The following RORA variants were observed in gnomAD, a reference collection of about 807,000 sequenced individuals.
RORA encodes RAR related orphan receptor A.
RORA carries 7 observed loss-of-function variants against 69.5 expected under a neutral mutation model. The ratio of observed to expected loss-of-function variants is 0.10; its 90% CI spans 0.06 to 0.19. The LOEUF (loss-of-function observed/expected upper bound fraction) is 0.19, where lower values mean the gene tolerates loss of function less well. RORA is among the 10% of genes least tolerant of loss of function. The pLI is 1.00. For synonymous variants in RORA, 261 were observed against 240.8 expected, an observed-to-expected ratio of 1.08 and a Z score of -0.78; for missense variants, 457 against 663.0, an observed-to-expected ratio of 0.69 and a Z score of 3.41.
chr15:60,895,888 A>G (rs898639095), intron 1 of RORA, among the ~76,000 whole-genome samples: 1 of 152,226 alleles, frequency 6.6e-6, no homozygotes, highest in African/African-American at 2.4e-5. Context: ...GCAAGAGCTT[A>G]AAGTTCATCC....
chr15:60,690,948 C>A (rs781379881), intron 1 of RORA, among the ~76,000 whole-genome samples: 1 of 152,178 alleles, frequency 6.6e-6, no homozygotes, highest in South Asian at 2.1e-4. Flanking sequence ...TCACATCAGT[C>A]CCCTGCTCAA....
chr15:60,597,267 T>C (rs2068687075), intron 2 of RORA, among the ~76,000 whole-genome samples: 1 of 151,656 alleles, frequency 6.6e-6, no homozygotes, highest in East Asian at 2.0e-4. Context: ...CATACACCTA[T>C]TAGGAAATTC....
In RORA at chr15:60,490,364, C is replaced by T. The variant is rs998140315; in HGVS notation, c.*7091G>A. ...TCTAAAATAGATTATATAGTAAAAC[C>T]GGTATTATACAGCATATTGTGGATT... On this transcript the variant is annotated 3_prime_UTR_variant, in exon 11 of 11. Coordinates refer to ENST00000335670, the MANE Select transcript of RORA (RefSeq NM_134261.3). The surrounding 1 kb of genome is among the most constrained non-coding windows in gnomAD (Gnocchi z 4.1). The T allele has an allele frequency of 1.3e-5, 2 of 151,866 alleles. No homozygotes were observed. Among genetic ancestry groups the T allele is most frequent in the African/African-American group, 2.4e-5 (1 of 41,324 alleles). 9.4% of individuals were successfully genotyped at this position (151,866 alleles called of 1,614,324 possible). A position where few individuals can be genotyped will look rare whatever the true frequency, so the allele number is the denominator to read the frequency against.
chr15:60,586,290 T>C (rs1324314153), intron 2 of RORA, among the ~76,000 whole-genome samples: 1 of 152,206 alleles, frequency 6.6e-6, no homozygotes, highest in Non-Finnish European at 1.5e-5. Context: ...AAGTCAATTA[T>C]ATCACAACTG....
intron 3 of RORA, among the ~76,000 whole-genome samples, chr15:60,527,247 G>A (rs901704571): frequency 1.3e-5 from 2 of 152,232 alleles, no homozygotes; most frequent in Non-Finnish European, 2.9e-5. Context: ...ATTAAAAAAT[G>A]TATGTGTGTC....
At chr15:61,137,359 A>G (rs978127901) in intron 1 of RORA, among the ~76,000 whole-genome samples, 1 of 152,228 alleles carries the variant, frequency 6.6e-6, no homozygotes, top group Non-Finnish European at 1.5e-5. Flanking sequence ...TGGCGCCCAA[A>G]GTGGCCCAAA....
chr15:61,162,122 C>T (rs777359243), intron 1 of RORA, among the ~76,000 whole-genome samples: 36 of 152,112 alleles, frequency 2.4e-4, no homozygotes, highest in African/African-American at 3.6e-4. Context: ...CAGAAAAAAA[C>T]GAAAAATGGC....
At chr15:60,515,407 C>A (rs560821798) in intron 3 of RORA, among the ~76,000 whole-genome samples, 4 of 127,428 alleles carry the variant, frequency 3.1e-5, no homozygotes, top group Non-Finnish European at 5.2e-5. Flanking sequence ...AAAGATGGAA[C>A]AAATCCAGTC....
intron 2 of RORA, chr15:60,627,427 C>G: frequency 6.2e-7 from 1 of 1,610,694 alleles, no homozygotes; most frequent in Non-Finnish European, 8.5e-7. Context: ...TGCTTTGCCC[C>G]AGTGTACTAT....
At chr15:61,070,480 C>T (rs138003429) in intron 1 of RORA, among the ~76,000 whole-genome samples, 1 of 152,342 alleles carries the variant, frequency 6.6e-6, no homozygotes, top group East Asian at 1.9e-4. Context: ...AGACCCTGGC[C>T]TAAACTCACC....
intron 1 of RORA, among the ~76,000 whole-genome samples, chr15:60,692,046 G>A (rs1475819048): frequency 6.6e-6 from 1 of 152,176 alleles, no homozygotes; most frequent in Non-Finnish European, 1.5e-5. Flanking sequence ...TGGAAACAGT[G>A]ATTTCAATAT....
intron 2 of RORA, among the ~76,000 whole-genome samples, chr15:60,564,217 A>G (rs2067653428): frequency 6.6e-6 from 1 of 152,200 alleles, no homozygotes; most frequent in African/African-American, 2.4e-5. Flanking sequence ...TTTGATTCTC[A>G]GTTCCCCTCA....
chr15:61,160,969 G>A (rs775146693), intron 1 of RORA, among the ~76,000 whole-genome samples: 1 of 152,186 alleles, frequency 6.6e-6, no homozygotes, highest in South Asian at 2.1e-4. Context: ...GGCAAGCACG[G>A]ATGTTTGGAG....
At chr15:60,574,953 C>A (rs1413332006) in intron 2 of RORA, among the ~76,000 whole-genome samples, 1 of 151,914 alleles carries the variant, frequency 6.6e-6, no homozygotes, top group East Asian at 1.9e-4. Flanking sequence ...GAGAACGGGA[C>A]AGAAGATCAA....
At chr15:60,733,930 G>GAGAC in intron 1 of RORA, among the ~76,000 whole-genome samples, 1 of 150,988 alleles carries the variant, frequency 6.6e-6, no homozygotes, top group South Asian at 2.1e-4. Context: ...GAGAGAGAGA[G>GAGAC]AGAGAGAGAG....
intron 2 of RORA, among the ~76,000 whole-genome samples, chr15:60,635,430 GT>G (rs535508686): frequency 5.3e-4 from 80 of 152,172 alleles, no homozygotes; most frequent in African/African-American, 1.8e-3. Flanking sequence ...TGGTTCCTGG[GT>G]TCTAGATATT....
rs946060875 is a variant in RORA, at chr15:60,713,214, C to T, written c.167-34528G>A. ...CCAGAGAAGCCCAGGAATGTTCCCCCTTAGTAGGGTGTCCGGCTAACCTGG... is the reference window on the plus strand; with the variant it reads ...CCAGAGAAGCCCAGGAATGTTCCCCTTTAGTAGGGTGTCCGGCTAACCTGG... On this transcript the variant is annotated intron_variant, in intron 1 of 10. Coordinates refer to ENST00000335670, the MANE Select transcript of RORA (RefSeq NM_134261.3). 4.6e-5 allele frequency among the ~76,000 whole-genome samples: 7 copies of T among 152,256 alleles called. No individual in the cohort carries two copies. In the East Asian group the frequency reaches 5.8e-4, roughly 13 times the overall value.
chr15:60,880,078 G>A, intron 1 of RORA, among the ~76,000 whole-genome samples: 1 of 152,214 alleles, frequency 6.6e-6, no homozygotes, highest in Non-Finnish European at 1.5e-5. Context: ...TGTGTAAGTT[G>A]TAAGGAGCAG....
At chr15:61,186,034 T>G (rs2079738128) in intron 1 of RORA, among the ~76,000 whole-genome samples, 1 of 152,232 alleles carries the variant, frequency 6.6e-6, no homozygotes, top group Admixed American at 6.5e-5. Context: ...TACTCAATAC[T>G]AAAGTTCTCT....
Sources: gnomAD v4.1 joint callset for allele counts (sites outside exome capture counted in the v4.1 genomes callset) on GRCh38, gnomAD v4.1.1 for gene constraint, Gnocchi (gnomAD v3.1) non-coding constraint, MANE v1.5 for transcripts, NCBI Gene and HGNC (gene_info 2026-07-23, HGNC 2026-07-21) for gene names.